DENND5B: variants seen among roughly 807,000 people sequenced by gnomAD.
The protein encoded by DENND5B is DENN domain containing 5B.
In DENND5B, 34 loss-of-function variants were observed where a neutral mutation model predicts 140.6. The observed-to-expected ratio is 0.24, with a 90% CI of 0.18 to 0.32. The LOEUF (loss-of-function observed/expected upper bound fraction) is 0.32. Ranked by LOEUF, DENND5B falls within the 10% of genes least tolerant of loss-of-function variation. The pLI is 1.00. For synonymous variants in DENND5B, 551 were observed against 562.1 expected (o/e 0.98, Z 0.28); for missense variants, 1,142 against 1,560.2 (o/e 0.73, Z 4.52).
intron 7 of DENND5B, among the ~76,000 whole-genome samples, chr12:31,438,191 C>A (rs1224910527): frequency 6.6e-5 from 10 of 152,140 alleles, no homozygotes; most frequent in Non-Finnish European, 1.5e-5. Flanking sequence ...GCCAGGCTGG[C>A]CTTGAACTCC....
Position 31,447,732 on chromosome 12 carries a change from G to T in DENND5B, c.1667C>A (p.Pro556Gln). 6.2e-7 allele frequency: 1 copy of T among 1,607,350 alleles called. No homozygotes were observed. Among genetic ancestry groups the T allele is most frequent in the Non-Finnish European group, 8.5e-7 (1 of 1,176,672 alleles). The change falls in exon 6 of 21, where the codon CCA (proline) becomes CAA (glutamine). Residue 556 changes from proline to glutamine, a missense_variant. By Grantham distance (76) the Pro-to-Gln change is moderately conservative. Coordinates refer to ENST00000389082, the MANE Select transcript of DENND5B (RefSeq NM_144973.4). ...FLSDQPEPYL[P>Q]FLSRFIETQM... ...TGTTTCAATGAAGCGTGAAAGAAAT[G>T]GCAGGTAAGGCTCAGGCTGGTCAGA...
intron 1 of DENND5B, among the ~76,000 whole-genome samples, chr12:31,547,163 T>A (rs1030390792): frequency 6.6e-6 from 1 of 152,236 alleles, no homozygotes; most frequent in African/African-American, 2.4e-5. Context: ...CTTATTGTTG[T>A]GTTACTTTTC....
chr12:31,584,230 C>A (rs978445265), intron 1 of DENND5B, among the ~76,000 whole-genome samples: 1 of 152,154 alleles, frequency 6.6e-6, no homozygotes, highest in Non-Finnish European at 1.5e-5. Flanking sequence ...CTCCCTGTCC[C>A]CTTTTCTTTC....
chr12:31,486,751 ACAT>A, intron 2 of DENND5B, among the ~76,000 whole-genome samples: 1 of 152,358 alleles, frequency 6.6e-6, no homozygotes, highest in South Asian at 2.1e-4. Context: ...TTAAGTCTCT[ACAT>A]AAATACTACC....
At chr12:31,414,489 G>A (rs1221924130) in intron 12 of DENND5B, among the ~76,000 whole-genome samples, 2 of 152,006 alleles carry the variant, frequency 1.3e-5, no homozygotes, top group Non-Finnish European at 2.9e-5. Context: ...GGGCAGAGGT[G>A]TTTAAGGGAG....
intron 6 of DENND5B, among the ~76,000 whole-genome samples, chr12:31,446,886 CAAA>C (rs534785761): frequency 1.4e-5 from 1 of 71,316 alleles, no homozygotes; most frequent in Non-Finnish European, 2.9e-5. Context: ...GACTCCGCCT[CAAA>C]AAAAAAAAAA....
chr12:31,539,817 TACA>T (rs1948628222), intron 1 of DENND5B, among the ~76,000 whole-genome samples: 1 of 151,780 alleles, frequency 6.6e-6, no homozygotes, highest in South Asian at 2.1e-4. Context: ...AGATCTGGAA[TACA>T]ACAAGGATAT....
chr12:31,539,448 C>G lies in DENND5B; in HGVS notation c.128-43529G>C, dbSNP rs575628190. On this transcript the variant is annotated intron_variant, in intron 1 of 20. Transcript: ENST00000389082. Reference sequence around the variant, plus strand: ...AAGAAAAAAAATTACAGACCAATATCACTGATGAAAATTGATGCAAAAATC... The same window carrying G: ...AAGAAAAAAAATTACAGACCAATATGACTGATGAAAATTGATGCAAAAATC... Among the ~76,000 whole-genome samples the G allele has an allele frequency of 1.6e-4, 24 of 152,196 alleles. No individual in the cohort carries two copies. In the South Asian group the frequency reaches 4.8e-3, roughly 30 times the overall value.
At chr12:31,562,365 G>A (rs1949505817) in intron 1 of DENND5B, among the ~76,000 whole-genome samples, 1 of 152,112 alleles carries the variant, frequency 6.6e-6, no homozygotes, top group African/African-American at 2.4e-5. Flanking sequence ...ATCCCAGCAC[G>A]TTGGGAGGCC....
At chr12:31,509,322 T>TA (rs1389977301) in intron 1 of DENND5B, among the ~76,000 whole-genome samples, 1 of 152,162 alleles carries the variant, frequency 6.6e-6, no homozygotes, top group African/African-American at 2.4e-5. Context: ...TATTCATCCC[T>TA]AAAGAGGAGT....
chr12:31,439,492 T>A (rs888270939), intron 7 of DENND5B, among the ~76,000 whole-genome samples: 1 of 152,218 alleles, frequency 6.6e-6, no homozygotes, highest in Non-Finnish European at 1.5e-5. Context: ...GTTCCTTTTT[T>A]TTTTGTTTAC....
At position 31,545,950 on chromosome 12, in the gene DENND5B, C is replaced by CAAAA. The variant is rs57460264; in HGVS notation, c.127+44752_127+44755dup. Among the ~76,000 whole-genome samples, 252 of 36,386 alleles carry CAAAA rather than the reference C, an allele frequency of 6.9e-3. 45 individuals are homozygous for CAAAA. Among genetic ancestry groups the CAAAA allele is most frequent in the African/African-American group, 0.022 (153 of 6,946 alleles). 23.9% of individuals were successfully genotyped at this position (36,386 alleles called of 152,430 possible). A position where few individuals can be genotyped will look rare whatever the true frequency, so the allele number is the denominator to read the frequency against. On this transcript the variant is annotated intron_variant, in intron 1 of 20. Transcript: ENST00000389082. ...TGGGTGAGAGAGTAAGACACTGTCT[C>CAAAA]AAAAAAAAAAAAAAAAAAAAAGTGG...
At chr12:31,511,218 G>A (rs921812061) in intron 1 of DENND5B, among the ~76,000 whole-genome samples, 1 of 152,066 alleles carries the variant, frequency 6.6e-6, no homozygotes, top group African/African-American at 2.4e-5. Context: ...CAGCCTGGGT[G>A]TCAGAGGGAG....
intron 6 of DENND5B, among the ~76,000 whole-genome samples, chr12:31,446,028 C>T (rs1045673583): frequency 8.6e-5 from 13 of 151,558 alleles, no homozygotes; most frequent in Non-Finnish European, 1.6e-4. Flanking sequence ...AAAAAAAATT[C>T]GTGAACACCT....
intron 3 of DENND5B, among the ~76,000 whole-genome samples, chr12:31,466,036 T>C (rs145757137): frequency 1.3e-5 from 2 of 152,276 alleles, no homozygotes; most frequent in African/African-American, 4.8e-5. Flanking sequence ...GTGGAGAAAT[T>C]ACCCAGAATG....
chr12:31,513,287 G>A (rs546671630), intron 1 of DENND5B, among the ~76,000 whole-genome samples: 2 of 152,154 alleles, frequency 1.3e-5, no homozygotes, highest in Non-Finnish European at 2.9e-5. Context: ...CTAAGATAGT[G>A]TTCTTCAGGC....
chr12:31,523,098 G>A (rs1404436265), intron 1 of DENND5B, among the ~76,000 whole-genome samples: 2 of 143,820 alleles, frequency 1.4e-5, no homozygotes, highest in African/African-American at 5.2e-5. Context: ...TCATTCTGTC[G>A]CCCAGGCTGG....
At chr12:31,525,807 C>G (rs1350617313) in intron 1 of DENND5B, among the ~76,000 whole-genome samples, 1 of 152,088 alleles carries the variant, frequency 6.6e-6, no homozygotes, top group Non-Finnish European at 1.5e-5. Context: ...GCCTGGGCAG[C>G]ATGGAGAAAC....
intron 1 of DENND5B, among the ~76,000 whole-genome samples, chr12:31,547,737 C>T (rs868706084): frequency 6.6e-6 from 1 of 151,136 alleles, no homozygotes; most frequent in Non-Finnish European, 1.5e-5. Context: ...CGGAGTTTTG[C>T]TCTGGTTGCC....
Sources: gnomAD v4.1 joint callset for allele counts (sites outside exome capture counted in the v4.1 genomes callset) on GRCh38, gnomAD v4.1.1 for gene constraint, MANE v1.5 for transcripts, NCBI Gene and HGNC (gene_info 2026-07-23, HGNC 2026-07-21) for gene names.